DDX3Y: variants seen among roughly 807,000 people sequenced by gnomAD.
The protein encoded by DDX3Y is ATP-dependent RNA helicase DDX3Y.
In DDX3Y, 2 loss-of-function variants were observed where a neutral mutation model predicts 15.1. That is an observed-to-expected ratio of 0.13 (90% CI 0.05 to 0.42). The LOEUF is 0.42. DDX3Y is among the 10% of genes least tolerant of loss of function. The probability of loss-of-function intolerance (pLI) is 0.99; values close to 1 mark genes in which losing one functional copy is unlikely to be tolerated. For missense variants in DDX3Y, 81 were observed against 149.9 expected (o/e 0.54, Z 2.40); for synonymous variants, 47 against 45.0 (o/e 1.04, Z -0.18).
intron 4 of DDX3Y, among the ~76,000 whole-genome samples, chrY:12,912,456 T>C (rs955531910): frequency 2.9e-5 from 1 of 33,951 alleles, no homozygotes; most frequent in Non-Finnish European, 7.3e-5. Flanking sequence ...TAGTTATAAG[T>C]ATCTAAAAAC....
intron 2 of DDX3Y, among the ~76,000 whole-genome samples, chrY:12,908,583 C>G: frequency 5.8e-5 from 2 of 34,417 alleles, no homozygotes; most frequent in African/African-American, 1.1e-4. Context: ...ATAGACTGGC[C>G]TGTTGATTTA....
rs1343011367 is a variant in DDX3Y, at chrY:12,909,346, A to G, written c.104-14A>G. 2.8e-5 allele frequency: 11 copies of G among 389,421 alleles called. No individual in the cohort carries two copies. The highest frequency in any genetic ancestry group is 6.3e-5 in the African/African-American group (1 of 15,962). ...CGATGTTATAGGCTTCTAATTTTAC[A>G]TTTTCTCTTTTAGAAGGGCGCTATA... On this transcript the variant is annotated splice_polypyrimidine_tract_variant and intron_variant, in intron 2 of 16. Coordinates refer to ENST00000336079, the MANE Select transcript of DDX3Y (RefSeq NM_004660.5).
Position 12,917,401 on chromosome Y carries a change from A to G in DDX3Y, c.1764-2A>G. On this transcript the variant is annotated splice_acceptor_variant, in intron 15 of 16. Coordinates refer to ENST00000336079, the MANE Select transcript of DDX3Y (RefSeq NM_004660.5). LOFTEE classifies it high-confidence loss of function. ...ACTGCCATGCCATATTTTTGCTTAC[A>G]GTAATAGATTCAGTGGAGGATTTGG... is the stretch of plus-strand genomic sequence containing the variant. The G allele has an allele frequency of 2.5e-6, 1 of 397,784 alleles. No homozygotes were observed. The highest frequency in any genetic ancestry group is 3.5e-6 in the Non-Finnish European group (1 of 283,056).
Position 12,917,075 on chromosome Y carries a change from G to A in DDX3Y, c.1763+15G>A. ...CGATCTAAAAGGTACACACTGTTTC[G>A]AGCCTTCACTCTTGTTATTGCTTAC... On this transcript the variant is annotated intron_variant, in intron 15 of 16. Transcript: ENST00000336079. The A allele has an allele frequency of 2.5e-6, 1 of 394,019 alleles. No individual in the cohort carries two copies. The highest frequency in any genetic ancestry group is 3.6e-6 in the Non-Finnish European group (1 of 279,949).
chrY:12,913,890 C>G (rs770526971), intron 7 of DDX3Y, 37 bp downstream of exon 7: 1 of 361,835 alleles, frequency 2.8e-6, no homozygotes, highest in Admixed American at 8.7e-5. Context: ...GTTAAGAATA[C>G]CTGATCAGAC....
Position 12,917,018 on chromosome Y carries a change from A to G in DDX3Y, c.1721A>G (p.Tyr574Cys). Residue 574 changes from tyrosine to cysteine, a missense_variant, in exon 15 of 17, where the codon TAT (tyrosine) becomes TGT (cysteine). By Grantham distance (194) the Tyr-to-Cys change is radical. Transcript: ENST00000336079. ...EVPSWLENMA[Y>C]EHHYKGGSRG... Reference sequence around the variant, plus strand: ...CCTTCTTGGTTGGAAAATATGGCTTATGAACACCACTACAAGGGTGGCAGT... The same window carrying G: ...CCTTCTTGGTTGGAAAATATGGCTTGTGAACACCACTACAAGGGTGGCAGT... The G allele has an allele frequency of 2.5e-6, 1 of 398,376 alleles. No homozygotes were observed. Among genetic ancestry groups the G allele is most frequent in the Non-Finnish European group, 3.5e-6 (1 of 283,080 alleles).
At chrY:12,914,719 A>G in intron 8 of DDX3Y, 70 bp downstream of exon 8, 1 of 285,541 alleles carries the variant, frequency 3.5e-6, no homozygotes, top group South Asian at 3.7e-5. Context: ...TGACTTTTCT[A>G]ACGGATGCCA....
chrY:12,904,631 G>C (rs978106196), upstream of DDX3Y, among the ~76,000 whole-genome samples: 1 of 33,810 alleles, frequency 3.0e-5, no homozygotes, highest in Non-Finnish European at 7.3e-5. Context: ...CATTAGGAGA[G>C]GGCGGGGATA....
chrY:12,915,473 TTG>T, intron 10 of DDX3Y, 155 bp from the exon 11 acceptor site: 1 of 177,134 alleles, frequency 5.6e-6, no homozygotes. Context: ...TTGTGTGTGT[TTG>T]TGTGTGTATG....
rs2053660436 is a variant in DDX3Y, at chrY:12,919,430, T to C, written c.*1308T>C. ...GTACTGATTTTGTGGCCAGATGCAA[T>C]GATCTTTAAAAACAAATCTTTTCAA... On this transcript the variant is annotated 3_prime_UTR_variant, in exon 17 of 17. Transcript: ENST00000336079. The C allele has an allele frequency of 3.0e-5, 1 of 33,888 alleles. No homozygotes were observed. The highest frequency in any genetic ancestry group is 2.7e-4 in the Admixed American group (1 of 3,692). The allele number at this position is 33,888 out of a possible 400,897, so 8.5% of individuals were successfully genotyped here.
chrY:12,906,073 G>A, intron 1 of DDX3Y, among the ~76,000 whole-genome samples: 1 of 33,160 alleles, frequency 3.0e-5, no homozygotes, highest in African/African-American at 1.2e-4. Context: ...TTGGAAGTTT[G>A]GGCGATGAGG....
At chrY:12,917,584 T>C in intron 16 of DDX3Y, 42 bp downstream of exon 16, 1 of 62,039 alleles carries the variant, frequency 1.6e-5, no homozygotes, top group Non-Finnish European at 2.5e-5. Flanking sequence ...TTTGTTTTTC[T>C]TTTTTTTTTT....
At chrY:12,911,112 A>G (rs2053626276) in intron 3 of DDX3Y, among the ~76,000 whole-genome samples, 1 of 32,043 alleles carries the variant, frequency 3.1e-5, no homozygotes. Flanking sequence ...ACGGGGTTTC[A>G]CCGTGTTAGC....
chrY:12,908,255 G>A, intron 2 of DDX3Y, among the ~76,000 whole-genome samples: 2 of 33,821 alleles, frequency 5.9e-5, no homozygotes, highest in African/African-American at 2.3e-4. Flanking sequence ...ATTGGGTGAG[G>A]TTAGTATTTG....
intron 2 of DDX3Y, among the ~76,000 whole-genome samples, chrY:12,908,619 A>G (rs2053618324): frequency 2.9e-5 from 1 of 34,398 alleles, no homozygotes; most frequent in African/African-American, 1.1e-4. Flanking sequence ...TTTGTTTTCC[A>G]GATCATTTTC....
intron 10 of DDX3Y, 88 bp from the exon 11 acceptor site, chrY:12,915,542 A>G (rs2053643861): frequency 1.1e-5 from 3 of 278,430 alleles, no homozygotes; most frequent in South Asian, 3.5e-5. Context: ...TTGAGTTACT[A>G]TATTAGTGCA....
At position 12,914,994 on chromosome Y, in the gene DDX3Y, A is replaced by T. The variant is rs367561586; in HGVS notation, c.858+12A>T. ...AGGAAGCCAGAAAAGTAAAATATTC[A>T]TTTTAGTGATTATTGCTTTTCTTAT... On this transcript the variant is annotated intron_variant, in intron 9 of 16. Coordinates refer to ENST00000336079, the MANE Select transcript of DDX3Y (RefSeq NM_004660.5). The T allele has an allele frequency of 7.6e-6, 3 of 396,091 alleles. No individual in the cohort carries two copies. Among genetic ancestry groups the T allele is most frequent in the Non-Finnish European group, 1.1e-5 (3 of 281,126 alleles).
At chrY:12,905,556 T>C in intron 1 of DDX3Y, 1 of 37,281 alleles carries the variant, frequency 2.7e-5, no homozygotes, top group African/African-American at 1.2e-4. Flanking sequence ...GCCTGTGGAA[T>C]TCTTGAAGAC....
chrY:12,910,505 G>A, intron 3 of DDX3Y, among the ~76,000 whole-genome samples: 1 of 33,324 alleles, frequency 3.0e-5, no homozygotes, highest in Non-Finnish European at 7.4e-5. Flanking sequence ...TTGTAGACAT[G>A]GAAAGTAGGC....
Sources: gnomAD v4.1 joint callset for allele counts (sites outside exome capture counted in the v4.1 genomes callset) on GRCh38, gnomAD v4.1.1 for gene constraint, MANE v1.5 for transcripts, NCBI Gene and HGNC (gene_info 2026-07-23, HGNC 2026-07-21) for gene names.